PCDH9: variants seen among roughly 807,000 people sequenced by gnomAD.
PCDH9 encodes the protein protocadherin 9.
PCDH9 carries 24 observed loss-of-function variants against 70.6 expected under a neutral mutation model. The observed-to-expected ratio is 0.34, with a 90% CI of 0.25 to 0.48. The LOEUF is 0.48. Among genes scored for constraint, PCDH9 ranks in the 20% least tolerant of loss-of-function variants. The pLI is 0.99. For missense variants in PCDH9, 1,281 were observed against 1,503.6 expected, an observed-to-expected ratio of 0.85 and a Z score of 2.45; for synonymous variants, 562 against 558.5, an observed-to-expected ratio of 1.01 and a Z score of -0.09.
rs920026836 is a variant in PCDH9, at chr13:66,976,041, C to T, written c.3037-72436G>A. On this transcript the variant is annotated intron_variant, in intron 2 of 4. Coordinates refer to ENST00000377865, the MANE Select transcript of PCDH9 (RefSeq NM_203487.3). ...GTGAAATTGGTAGAGAAAAATAGGG[C>T]CTTCAAGAAAATATTTCTGTTGAAA... is the stretch of plus-strand genomic sequence containing the variant. Among the ~76,000 whole-genome samples, 22 of 151,952 alleles carry T rather than the reference C, an allele frequency of 1.4e-4. No individual in the cohort carries two copies. The East Asian group carries it at 3.9e-3, about 27-fold the overall frequency.
At chr13:67,124,718 C>T (rs2086942576) in intron 2 of PCDH9, among the ~76,000 whole-genome samples, 1 of 152,106 alleles carries the variant, frequency 6.6e-6, no homozygotes, top group Non-Finnish European at 1.5e-5. Context: ...CCTCACAAGA[C>T]AATAATTCAG....
At chr13:66,553,720 A>T (rs577412896) in intron 4 of PCDH9, among the ~76,000 whole-genome samples, 4 of 152,232 alleles carry the variant, frequency 2.6e-5, no homozygotes, top group Non-Finnish European at 5.9e-5. Flanking sequence ...CCTCTTGTAT[A>T]TAATACATGC....
intron 3 of PCDH9, among the ~76,000 whole-genome samples, chr13:66,776,741 G>T (rs1354026619): frequency 6.6e-6 from 1 of 151,340 alleles, no homozygotes; most frequent in Non-Finnish European, 1.5e-5. Context: ...TCCCCATCAA[G>T]CTACCAATGA....
At chr13:66,490,239 G>T (rs937259401) in intron 4 of PCDH9, among the ~76,000 whole-genome samples, 1 of 152,152 alleles carries the variant, frequency 6.6e-6, no homozygotes, top group African/African-American at 2.4e-5. Context: ...TTTGCTTAAG[G>T]CCACCAGTGC....
rs148684871 is a variant in PCDH9 at position 66,760,350 on chromosome 13, A to G, written c.3139-128939T>C. Among the ~76,000 whole-genome samples the G allele has an allele frequency of 7.2e-5, 11 of 152,208 alleles. No individual in the cohort carries two copies. In the East Asian group the frequency reaches 1.9e-3, roughly 27 times the overall value. On this transcript the variant is annotated intron_variant, in intron 3 of 4. Transcript: ENST00000377865. ...AGGTAGCTTCATTTGCATTTAATCT[A>G]CTTGATGTCTTTGGATGTTGAGGGA...
At chr13:66,998,822 T>C (rs1342630620) in intron 2 of PCDH9, among the ~76,000 whole-genome samples, 1 of 152,212 alleles carries the variant, frequency 6.6e-6, no homozygotes, top group Non-Finnish European at 1.5e-5. Flanking sequence ...TTATTCCTTG[T>C]TGTTCTTCAA....
intron 4 of PCDH9, among the ~76,000 whole-genome samples, chr13:66,380,870 C>G (rs1956836547): frequency 6.6e-6 from 1 of 152,092 alleles, no homozygotes; most frequent in Non-Finnish European, 1.5e-5. Flanking sequence ...GAGAGAAAAT[C>G]ACATTTCCCT....
At chr13:66,853,154 G>A (rs953168988) in intron 3 of PCDH9, among the ~76,000 whole-genome samples, 1 of 150,328 alleles carries the variant, frequency 6.7e-6, no homozygotes, top group Non-Finnish European at 1.5e-5. Flanking sequence ...AACAACAAAT[G>A]GTGGTTATAA....
At chr13:66,351,597 C>T (rs1956291981) in intron 4 of PCDH9, among the ~76,000 whole-genome samples, 1 of 152,028 alleles carries the variant, frequency 6.6e-6, no homozygotes, top group African/African-American at 2.4e-5. Flanking sequence ...AAGTGCTAAG[C>T]TTATTCATGT....
chr13:67,097,775 C>A (rs1020511427), intron 2 of PCDH9, among the ~76,000 whole-genome samples: 1 of 152,076 alleles, frequency 6.6e-6, no homozygotes, highest in Non-Finnish European at 1.5e-5. Flanking sequence ...ATACCTCGAA[C>A]TGATGAAAAC....
At chr13:67,213,360 C>T (rs1173597722) in intron 2 of PCDH9, 1 of 149,868 alleles carries the variant, frequency 6.7e-6, no homozygotes, top group Non-Finnish European at 1.5e-5. Flanking sequence ...TGTATACATA[C>T]TTGATGCCAT....
intron 4 of PCDH9, among the ~76,000 whole-genome samples, chr13:66,613,825 A>AAAGCTGTG (rs1331873374): frequency 6.6e-6 from 1 of 152,194 alleles, no homozygotes; most frequent in Admixed American, 6.5e-5. Context: ...AGGGAAGGTA[A>AAAGCTGTG]AAGCTGTGGT....
chr13:66,839,826 G>C (rs1165393896), intron 3 of PCDH9, among the ~76,000 whole-genome samples: 1 of 151,976 alleles, frequency 6.6e-6, no homozygotes, highest in Non-Finnish European at 1.5e-5. Flanking sequence ...TGCCACCCTA[G>C]TCCTCACATT....
chr13:66,560,300 G>GTATTT (rs1961951995), intron 4 of PCDH9, among the ~76,000 whole-genome samples: 1 of 152,034 alleles, frequency 6.6e-6, no homozygotes, highest in Non-Finnish European at 1.5e-5. Context: ...ATTTCAGACT[G>GTATTT]CATGGGAAGG....
intron 2 of PCDH9, chr13:67,207,132 A>G (rs1209015111): frequency 6.6e-6 from 1 of 150,470 alleles, no homozygotes; most frequent in Non-Finnish European, 1.5e-5. Flanking sequence ...CAAAATTTGT[A>G]TAATAATGAA....
chr13:66,383,325 A>C (rs573199600), intron 4 of PCDH9, among the ~76,000 whole-genome samples: 1 of 152,314 alleles, frequency 6.6e-6, no homozygotes, highest in South Asian at 2.1e-4. Context: ...GGTTTTAAAG[A>C]ACTGTATCTC....
intron 3 of PCDH9, among the ~76,000 whole-genome samples, chr13:66,656,649 G>A (rs115659578): frequency 0.023 from 3,539 of 152,016 alleles, 141 homozygotes; most frequent in African/African-American, 0.079. Flanking sequence ...GTGGGGGGGC[G>A]GTTAAAATGC....
intron 4 of PCDH9, among the ~76,000 whole-genome samples, chr13:66,439,605 G>C (rs114521697): frequency 2.0e-4 from 31 of 152,242 alleles, no homozygotes; most frequent in Admixed American, 7.8e-4. Context: ...GTTGCATGGT[G>C]AGCATCCAAT....
At chr13:66,459,837 A>G (rs796789343) in intron 4 of PCDH9, among the ~76,000 whole-genome samples, 18 of 152,092 alleles carry the variant, frequency 1.2e-4, no homozygotes, top group African/African-American at 4.3e-4. Context: ...TGAATACTTC[A>G]GTGTTTATAC....
Sources: allele counts gnomAD v4.1 joint callset (sites outside exome capture counted in the v4.1 genomes callset), GRCh38; gene constraint gnomAD v4.1.1; transcripts MANE v1.5; gene names NCBI Gene and HGNC (gene_info 2026-07-23, HGNC 2026-07-21).